The following FGF14 variants were observed in gnomAD, a reference collection of about 807,000 sequenced individuals.
The protein encoded by FGF14 is fibroblast growth factor homologous factor 4.
FGF14 carries 5 observed loss-of-function variants against 25.5 expected under a neutral mutation model. The ratio of observed to expected loss-of-function variants is 0.20; its 90% CI spans 0.10 to 0.41. FGF14 has a LOEUF of 0.41. FGF14 is among the 10% of genes least tolerant of loss of function. The pLI, the probability that FGF14 is intolerant of heterozygous loss-of-function variation, is 1.00. For missense variants in FGF14, 222 were observed against 320.1 expected (o/e 0.69, Z 2.34); for synonymous variants, 138 against 118.3 (o/e 1.17, Z -1.08).
chr13:101,787,707 A>G (rs9518546), intron 3 of FGF14, among the ~76,000 whole-genome samples: 62,532 of 151,840 alleles, frequency 0.41, 15,171 homozygotes, highest in Non-Finnish European at 0.54. Context: ...GCCCCCACCC[A>G]TCCATAGTGG....
At chr13:101,860,387 A>G (rs2044352950) in intron 3 of FGF14, among the ~76,000 whole-genome samples, 2 of 152,006 alleles carry the variant, frequency 1.3e-5, no homozygotes, top group Non-Finnish European at 2.9e-5. Context: ...AGCTCTATGT[A>G]TGGTCATGTC....
chr13:102,116,403 C>T (rs568635999), intron 1 of FGF14, among the ~76,000 whole-genome samples: 1 of 151,648 alleles, frequency 6.6e-6, no homozygotes, highest in South Asian at 2.1e-4. Context: ...TATATATGCA[C>T]GTATAGGAGT....
At chr13:102,104,123 T>C (rs1184056498) in intron 1 of FGF14, among the ~76,000 whole-genome samples, 1 of 152,216 alleles carries the variant, frequency 6.6e-6, no homozygotes, top group Non-Finnish European at 1.5e-5. Context: ...AGGATCCTTT[T>C]GGTTCTGTTC....
At chr13:102,286,188 T>C (rs533349503) in intron 1 of FGF14, among the ~76,000 whole-genome samples, 1 of 152,262 alleles carries the variant, frequency 6.6e-6, no homozygotes, top group Admixed American at 6.5e-5. Context: ...CTCACCAGGT[T>C]TGTCCACAAG....
At chr13:101,778,355 C>A (rs946851503) in intron 3 of FGF14, among the ~76,000 whole-genome samples, 4 of 152,164 alleles carry the variant, frequency 2.6e-5, no homozygotes, top group Non-Finnish European at 5.9e-5. Flanking sequence ...TGTTGCAACA[C>A]CACTTCCATC....
At chr13:102,227,744 C>G (rs1033200432) in intron 1 of FGF14, among the ~76,000 whole-genome samples, 2 of 152,034 alleles carry the variant, frequency 1.3e-5, no homozygotes, top group Non-Finnish European at 2.9e-5. Context: ...TATAAAAATA[C>G]TAAGTATGAA....
At chr13:101,923,290 T>A (rs1232709014) in intron 1 of FGF14, among the ~76,000 whole-genome samples, 1 of 152,102 alleles carries the variant, frequency 6.6e-6, no homozygotes, top group Non-Finnish European at 1.5e-5. Context: ...AAGTCCAACA[T>A]TATTTTTTCC....
intron 1 of FGF14, among the ~76,000 whole-genome samples, chr13:102,300,963 A>G (rs1187145350): frequency 1.4e-5 from 2 of 144,408 alleles, no homozygotes; most frequent in Non-Finnish European, 3.1e-5. Context: ...ACACACACAC[A>G]CGTTTAACCT....
chr13:101,873,091 C>A (rs1032901913), intron 2 of FGF14, among the ~76,000 whole-genome samples: 1 of 151,638 alleles, frequency 6.6e-6, no homozygotes, highest in Non-Finnish European at 1.5e-5. Context: ...TCTCAGCTTT[C>A]CAGTTTAGTC....
At chr13:102,016,039 C>CT (rs2040325216) in intron 1 of FGF14, among the ~76,000 whole-genome samples, 2 of 152,072 alleles carry the variant, frequency 1.3e-5, no homozygotes, top group East Asian at 3.9e-4. Context: ...TATAATATCC[C>CT]TTCTCAATAA....
At chr13:101,735,735 T>C (rs962095362) in intron 3 of FGF14, among the ~76,000 whole-genome samples, 2 of 150,370 alleles carry the variant, frequency 1.3e-5, no homozygotes, top group African/African-American at 4.9e-5. Context: ...GGGATGAGGG[T>C]GTCATAGTGG....
intron 1 of FGF14, among the ~76,000 whole-genome samples, chr13:102,072,579 T>C (rs886078398): frequency 2.0e-5 from 3 of 152,142 alleles, no homozygotes; most frequent in Non-Finnish European, 4.4e-5. Context: ...AACTAAGTAA[T>C]ACAGGATAAG....
chr13:101,912,882 G>T (rs1328767481), intron 1 of FGF14, among the ~76,000 whole-genome samples: 1 of 152,118 alleles, frequency 6.6e-6, no homozygotes, highest in Non-Finnish European at 1.5e-5. Flanking sequence ...CAAGGGCAAT[G>T]AGGAGAACCC....
chr13:101,988,570 G>A (rs935956950), intron 1 of FGF14, among the ~76,000 whole-genome samples: 3 of 151,954 alleles, frequency 2.0e-5, no homozygotes, highest in Non-Finnish European at 2.9e-5. Flanking sequence ...CATGGATGAA[G>A]CTGGAAACCA....
chr13:102,163,217 T>C (rs909984441), intron 1 of FGF14, among the ~76,000 whole-genome samples: 1 of 152,162 alleles, frequency 6.6e-6, no homozygotes, highest in African/African-American at 2.4e-5. Flanking sequence ...TGGTGACAAA[T>C]AAATGCTTAC....
rs1050589339 is a variant in FGF14 at position 101,716,514 on chromosome 13, G to A, written c.*6317C>T. On this transcript the variant is annotated 3_prime_UTR_variant, in exon 5 of 5. Transcript: ENST00000376143. ...TGTTATTCAGGGATATCTATTTTAG[G>A]TTTCTAGAAATAAGGGATCACATTT... 1.3e-5 allele frequency: 2 copies of A among 152,038 alleles called. No homozygotes were observed. The highest frequency in any genetic ancestry group is 2.4e-5 in the African/African-American group (1 of 41,412). The allele number at this position is 152,038 out of a possible 1,614,324, so 9.4% of individuals were successfully genotyped here.
intron 3 of FGF14, among the ~76,000 whole-genome samples, chr13:101,810,617 T>C (rs2041452046): frequency 6.6e-6 from 1 of 152,194 alleles, no homozygotes; most frequent in Non-Finnish European, 1.5e-5. Context: ...CTCTCTTATC[T>C]TGCCTTTGTG....
At chr13:101,972,332 C>T (rs970967047) in intron 1 of FGF14, among the ~76,000 whole-genome samples, 1 of 152,164 alleles carries the variant, frequency 6.6e-6, no homozygotes, top group Non-Finnish European at 1.5e-5. Flanking sequence ...TGTTTCAAAG[C>T]AGCCAACTGA....
intron 3 of FGF14, among the ~76,000 whole-genome samples, chr13:101,830,083 G>A (rs1200684231): frequency 6.6e-6 from 1 of 152,100 alleles, no homozygotes; most frequent in Admixed American, 6.6e-5. Flanking sequence ...TATCTTGCAT[G>A]TAAAATGTAT....
Sources: allele counts gnomAD v4.1 joint callset (sites outside exome capture counted in the v4.1 genomes callset), GRCh38; gene constraint gnomAD v4.1.1; transcripts MANE v1.5; gene names NCBI Gene and HGNC (gene_info 2026-07-23, HGNC 2026-07-21).